Variants in MITD1 observed in about 807,000 individuals in gnomAD.
MITD1 encodes the protein MIT domain-containing protein 1.
A neutral mutation model predicts 34.9 loss-of-function variants in MITD1; 24 were observed. The observed-to-expected ratio is 0.69, with a 90% confidence interval of 0.50 to 0.97. The LOEUF (loss-of-function observed/expected upper bound fraction) is 0.97. MITD1 is among the 50% of genes least tolerant of loss of function. The pLI, the probability that MITD1 is intolerant of heterozygous loss-of-function variation, is 0.00. For synonymous variants in MITD1, 102 were observed against 101.4 expected (o/e 1.01, Z -0.04); for missense variants, 266 against 294.6 (o/e 0.90, Z 0.71).
At position 99,174,610 on chromosome 2, in the gene MITD1, A is replaced by G. The variant is rs149032295; in HGVS notation, c.152-594T>C. Among the ~76,000 whole-genome samples, 941 of 152,064 alleles carry G rather than the reference A, an allele frequency of 6.2e-3. 13 individuals are homozygous for G. The highest frequency in any genetic ancestry group is 0.022 in the African/African-American group (911 of 41,454). Reference sequence around the variant, plus strand: ...TCTCATTTTTTGTTTGTTTGTTTTGAGACGGAATCTCGCTCTGTCGCCCAG... The same window carrying G: ...TCTCATTTTTTGTTTGTTTGTTTTGGGACGGAATCTCGCTCTGTCGCCCAG... On this transcript the variant is annotated intron_variant, in intron 1 of 6. Coordinates refer to ENST00000289359, the MANE Select transcript of MITD1 (RefSeq NM_138798.3).
downstream of MITD1, among the ~76,000 whole-genome samples, chr2:99,167,203 G>A (rs753983994): frequency 6.6e-6 from 1 of 151,958 alleles, no homozygotes; most frequent in Non-Finnish European, 1.5e-5. Flanking sequence ...CTTTATAGCT[G>A]GTCAAGCAAG....
chr2:99,163,505 T>A (rs1314403762), intron 7 of MITD1, among the ~76,000 whole-genome samples: 2 of 152,014 alleles, frequency 1.3e-5, no homozygotes, highest in Non-Finnish European at 2.9e-5. Flanking sequence ...TTTTTCTATT[T>A]TTAATAGAGA....
At chr2:99,163,455 G>C (rs2093812110) in intron 7 of MITD1, among the ~76,000 whole-genome samples, 1 of 152,058 alleles carries the variant, frequency 6.6e-6, no homozygotes, top group Non-Finnish European at 1.5e-5. Flanking sequence ...AGCCTCCCGA[G>C]TAGTGGGACT....
chr2:99,166,385 A>T (rs6542868), downstream of MITD1, among the ~76,000 whole-genome samples: 1 of 151,450 alleles, frequency 6.6e-6, no homozygotes, highest in East Asian at 1.9e-4. Flanking sequence ...ATATGGTAGT[A>T]CAGAGATCAC....
intron 7 of MITD1, chr2:99,162,585 T>A: frequency 6.2e-7 from 1 of 1,614,132 alleles, no homozygotes; most frequent in South Asian, 1.1e-5. Context: ...TAGCATACCT[T>A]CCTTAGTGAA....
At position 99,169,548 on chromosome 2, in the gene MITD1, AC is replaced by A; in HGVS notation, c.654+1del. 1.2e-6 allele frequency: 2 copies of A among 1,608,132 alleles called. No homozygotes were observed. Among genetic ancestry groups the A allele is most frequent in the Non-Finnish European group, 1.7e-6 (2 of 1,174,680 alleles). On this transcript the variant is annotated splice_donor_variant, in intron 6 of 6. Coordinates refer to ENST00000289359, the MANE Select transcript of MITD1 (RefSeq NM_138798.3). LOFTEE classifies it high-confidence loss of function. ...ACATTTACTCATAAGATTATATCCT[AC>A]CTGTGGTTTCTTAAAATAATCAAGT...
intron 5 of MITD1, among the ~76,000 whole-genome samples, chr2:99,170,231 T>C (rs1360070434): frequency 6.6e-6 from 1 of 152,136 alleles, no homozygotes; most frequent in Non-Finnish European, 1.5e-5. Flanking sequence ...TATCCTAATA[T>C]CATAACACTA....
At position 99,171,522 on chromosome 2, in the gene MITD1, T is replaced by A; in HGVS notation, c.378A>T (p.Arg126Ser). 6.2e-7 allele frequency: 1 copy of A among 1,609,896 alleles called. No homozygotes were observed. The highest frequency in any genetic ancestry group is 8.5e-7 in the Non-Finnish European group (1 of 1,176,436). ...TATGTTCACATACCTGATGAGTATG[T>A]CTAATATAAGGATCTTCTATCCAAA... The part of the protein sequence containing the change: ...TEVWIEDPYI[R>S]HTHQLYNFLR... Residue 126 changes from arginine (R) to serine (S), a missense_variant, in exon 3 of 7, where the codon AGA becomes AGT. Arg to Ser is a moderately radical substitution (Grantham distance 110, BLOSUM62 -1). Coordinates refer to ENST00000289359, the MANE Select transcript of MITD1 (RefSeq NM_138798.3).
At chr2:99,171,013 C>A (rs767481094) in intron 4 of MITD1, 100 of 286,148 alleles carry the variant, frequency 3.5e-4, no homozygotes, top group Non-Finnish European at 4.5e-4. Context: ...ACTACCATAT[C>A]ATATCATGCT....
At chr2:99,177,195 T>TA (rs1255408921) in intron 1 of MITD1, among the ~76,000 whole-genome samples, 2 of 152,192 alleles carry the variant, frequency 1.3e-5, no homozygotes, top group Admixed American at 6.5e-5. Flanking sequence ...AGTTCAGTCT[T>TA]AGTCATTGTC....
rs144672860 is a variant in MITD1 at position 99,170,561 on chromosome 2, G to A, written c.569C>T (p.Ser190Phe). 7.7e-6 allele frequency: 12 copies of A among 1,567,594 alleles called. No individual in the cohort carries two copies. The African/African-American group carries it at 9.4e-5, about 12-fold the overall frequency. The change falls in exon 5 of 7, where the codon TCT becomes TTT. Residue 190 changes from serine (S) to phenylalanine (F), a missense_variant. Coordinates refer to ENST00000289359, the MANE Select transcript of MITD1 (RefSeq NM_138798.3). Reference sequence around the variant, plus strand: ...CCTAATTTCTCGGTCATGTATTGAAGAAGAGTATTGAACTTCCAACAGCAC... The same window carrying A: ...CCTAATTTCTCGGTCATGTATTGAAAAAGAGTATTGAACTTCCAACAGCAC... ...HGVLLEVQYSSSIHDREIRFN... is the reference protein window; with the variant it reads ...HGVLLEVQYSFSIHDREIRFN...
intron 5 of MITD1, 148 bp downstream of exon 5, chr2:99,170,389 C>T (rs981549342): frequency 8.8e-6 from 2 of 226,922 alleles, no homozygotes; most frequent in African/African-American, 4.6e-5. Flanking sequence ...TTTTTCTTCT[C>T]AAAAGTGAAA....
intron 2 of MITD1, chr2:99,172,891 A>G (rs898795565): frequency 6.6e-6 from 1 of 152,194 alleles, no homozygotes; most frequent in African/African-American, 2.4e-5. Flanking sequence ...TAAAAAAAAA[A>G]AAAAAAACCC....
At chr2:99,175,238 A>G (rs557240184) in intron 1 of MITD1, among the ~76,000 whole-genome samples, 2 of 152,216 alleles carry the variant, frequency 1.3e-5, no homozygotes, top group East Asian at 3.9e-4. Context: ...AATTTCACCA[A>G]TTTTCCCACT....
intron 4 of MITD1, 158 bp from the exon 5 acceptor site, chr2:99,170,810 T>A: frequency 4.7e-6 from 2 of 428,390 alleles, no homozygotes; most frequent in Non-Finnish European, 8.5e-6. Context: ...TGTGAGGTAG[T>A]TTAAAGAGCA....
At chr2:99,162,222 A>G (rs1271986537) in intron 7 of MITD1, 3 of 1,613,924 alleles carry the variant, frequency 1.9e-6, no homozygotes, top group Non-Finnish European at 2.5e-6. Flanking sequence ...CCTGAATCTA[A>G]TGAGAGAAGA....
Position 99,162,867 on chromosome 2 carries a change from A to T in MITD1, c.*4-649T>A, listed in dbSNP as rs2093807986. 1.2e-6 allele frequency: 2 copies of T among 1,612,764 alleles called. No homozygotes were observed. The highest frequency in any genetic ancestry group is 3.3e-5 in the Admixed American group (2 of 59,856). ...AATTAAAGTATTCATAGACATAAAG[A>T]ATGGAAGAATTGAAATTTGTAATAT... On this transcript the variant is annotated intron_variant, in intron 7 of 7. Coordinates refer to the MITD1 transcript ENST00000422537.
chr2:99,161,939 G>T (rs200839222), downstream of MITD1: 17 of 1,551,348 alleles, frequency 1.1e-5, no homozygotes, highest in East Asian at 3.4e-4. Flanking sequence ...TAATTTGTTT[G>T]TCTTCCATTT....
At chr2:99,161,555 T>C (rs183046194), downstream of MITD1, 13 of 154,786 alleles carry the variant, frequency 8.4e-5, no homozygotes, top group East Asian at 2.5e-3. Flanking sequence ...ATAGGTAATG[T>C]GGCTGAGTGC....
Sources: allele counts gnomAD v4.1 joint callset (sites outside exome capture counted in the v4.1 genomes callset), GRCh38; gene constraint gnomAD v4.1.1; transcripts MANE v1.5; gene names NCBI Gene and HGNC (gene_info 2026-07-23, HGNC 2026-07-21).